The following SYNE2 variants were observed in gnomAD, a reference collection of about 807,000 sequenced individuals.
SYNE2 encodes the protein spectrin repeat containing nuclear envelope protein 2, also known as nesprin-2.
A neutral mutation model predicts 856.3 loss-of-function variants in SYNE2; 431 were observed. The ratio of observed to expected loss-of-function variants is 0.50; its 90% CI spans 0.47 to 0.55. The LOEUF is 0.55. Among genes scored for constraint, SYNE2 ranks in the 20% least tolerant of loss-of-function variants. The probability of loss-of-function intolerance (pLI) is 0.00; values close to 1 mark genes in which losing one functional copy is unlikely to be tolerated. For synonymous variants in SYNE2, 2,923 were observed against 2,872.3 expected (o/e 1.02, Z -0.56); for missense variants, 8,129 against 8,023.2 (o/e 1.01, Z -0.50).
At position 64,122,033 on chromosome 14, in the gene SYNE2, G is replaced by C. The variant is rs757620618; in HGVS notation, c.13180G>C (p.Glu4394Gln). 2.2e-5 allele frequency: 35 copies of C among 1,613,546 alleles called. No homozygotes were observed. The highest frequency in any genetic ancestry group is 1.6e-4 in the Middle Eastern group (1 of 6,076). The change falls in exon 69 of 116, where the codon GAA becomes CAA. Residue 4394 changes from glutamate to glutamine, a missense_variant. Physicochemically the swap from Glu to Gln is conservative, Grantham distance 29. Around this residue, in one of 3 missense-constraint regions of SYNE2, gnomAD observed 5,410 missense variants for 5,284.8 expected, o/e 1.02. Coordinates refer to ENST00000555002, the MANE Select transcript of SYNE2 (RefSeq NM_182914.3). ...QQQVLELKPM[E>Q]QKDFIKFIEF... ...ACAGGTTCTGGAGTTAAAACCAATG[G>C]AACAGAAAGATTTCATCAAATTCAT...
intron 1 of SYNE2, among the ~76,000 whole-genome samples, chr14:63,854,186 G>A (rs917935490): frequency 7.7e-6 from 1 of 130,276 alleles, no homozygotes; most frequent in Non-Finnish European, 1.7e-5. Context: ...TTTTGAGTTT[G>A]TTTTATTTGA....
At chr14:64,214,140 A>G in intron 105 of SYNE2, 54 bp from the exon 106 acceptor site, 2 of 1,613,884 alleles carry the variant, frequency 1.2e-6, no homozygotes, top group Non-Finnish European at 1.7e-6. Context: ...ATGCTCTTCT[A>G]ATTGCAGAAG....
rs760240283 is a variant in SYNE2 at position 64,152,692 on chromosome 14, A to G, written c.15768A>G (p.Gln5256=). ...DTASRIDELF[Q]KRSSVLTQVN... ...CATCCCGAATTGATGAGTTATTTCA[A>G]AAGAGAAGCAGTGTTCTCACTCAGG... is the stretch of plus-strand genomic sequence containing the variant. Residue 5256 remains glutamine (Q), a synonymous_variant, in exon 85 of 116, where the codon CAA becomes CAG. Coordinates refer to ENST00000555002, the MANE Select transcript of SYNE2 (RefSeq NM_182914.3). 10 of 1,614,032 alleles carry G rather than the reference A, an allele frequency of 6.2e-6. No individual in the cohort carries two copies. In the East Asian group the frequency reaches 6.7e-5, roughly 11 times the overall value.
At chr14:64,225,079 C>G in intron 115 of SYNE2, 34 bp downstream of exon 115, 1 of 1,610,760 alleles carries the variant, frequency 6.2e-7, no homozygotes, top group Non-Finnish European at 8.5e-7. Flanking sequence ...CAGTGCGTTC[C>G]CCTGCTCCAC....
In SYNE2 at chr14:64,188,443, C is replaced by T. The variant is rs1255986; in HGVS notation, c.17713-107C>T. 0.53 allele frequency: 676,513 copies of T among 1,265,236 alleles called. 186,248 individuals carry two copies. Among genetic ancestry groups the T allele is most frequent in the African/African-American group, 0.87 (59,065 of 67,664 alleles). 78.4% of individuals were successfully genotyped at this position (1,265,236 alleles called of 1,614,324 possible). On this transcript the variant is annotated intron_variant, in intron 97 of 115. Coordinates refer to ENST00000555002, the MANE Select transcript of SYNE2 (RefSeq NM_182914.3). ...AGGCAAAACCAGACAAGGTTGAGTG[C>T]GGAGAGCTACTGATTAAAATGAATG...
chr14:64,081,417 A>G (rs1373017687), intron 56 of SYNE2, 26 bp from the exon 57 acceptor site: 2 of 1,614,076 alleles, frequency 1.2e-6, no homozygotes, highest in South Asian at 1.1e-5. Context: ...CATCTGACTA[A>G]GTTTGGTCCT....
intron 6 of SYNE2, among the ~76,000 whole-genome samples, chr14:63,946,298 C>T (rs556495421): frequency 6.6e-6 from 1 of 151,752 alleles, no homozygotes; most frequent in Admixed American, 6.6e-5. Flanking sequence ...AATGGTGGTA[C>T]CTGCCTGTGG....
At chr14:64,043,308 G>C (rs924719201) in intron 45 of SYNE2, among the ~76,000 whole-genome samples, 1 of 152,162 alleles carries the variant, frequency 6.6e-6, no homozygotes, top group Non-Finnish European at 1.5e-5. Flanking sequence ...ATAAAAGTTA[G>C]GAAATGTTTC....
intron 2 of SYNE2, among the ~76,000 whole-genome samples, chr14:63,934,076 T>TGCCATTAAGCAAAGGTTCTTTATTGC (rs1272915570): frequency 6.6e-6 from 1 of 152,244 alleles, no homozygotes; most frequent in Non-Finnish European, 1.5e-5. Flanking sequence ...TGTCTTTGTT[T>TGCCATTAAGCAAAGGTTCTTTATTGC]GCCATTAAGC....
intron 100 of SYNE2, among the ~76,000 whole-genome samples, chr14:64,207,354 C>A (rs2098610478): frequency 6.6e-6 from 1 of 152,076 alleles, no homozygotes; most frequent in Admixed American, 6.5e-5. Context: ...GAGGGTGGAT[C>A]ACTTGAGCTC....
chr14:64,220,262 C>A (rs1315572622), intron 110 of SYNE2, among the ~76,000 whole-genome samples, 175 bp from the exon 111 acceptor site: 1 of 152,190 alleles, frequency 6.6e-6, no homozygotes, highest in Non-Finnish European at 1.5e-5. Flanking sequence ...GTTCACAGAC[C>A]TTAAGGCAGC....
chr14:64,209,735 C>A, intron 102 of SYNE2, 157 bp downstream of exon 102: 2 of 1,200,720 alleles, frequency 1.7e-6, no homozygotes, highest in Non-Finnish European at 2.4e-6. Flanking sequence ...GACAGCTTTG[C>A]AAGACATTGC....
chr14:63,853,673 G>C (rs1475582890), intron 1 of SYNE2, among the ~76,000 whole-genome samples: 2 of 151,500 alleles, frequency 1.3e-5, no homozygotes, highest in Non-Finnish European at 2.9e-5. Flanking sequence ...CTCGCCCCGG[G>C]GACCCGGGAA....
At chr14:63,902,427 A>G (rs1483193696) in intron 1 of SYNE2, among the ~76,000 whole-genome samples, 4 of 151,772 alleles carry the variant, frequency 2.6e-5, no homozygotes, top group African/African-American at 9.7e-5. Flanking sequence ...AAAAAAAAAA[A>G]AAAGAATAGT....
At position 64,081,553 on chromosome 14, in the gene SYNE2, A is replaced by G. The variant is rs886043517; in HGVS notation, c.11457A>G (p.Thr3819=). The G allele has an allele frequency of 6.2e-7, 1 of 1,614,172 alleles. No individual in the cohort carries two copies. Among genetic ancestry groups the G allele is most frequent in the Non-Finnish European group, 8.5e-7 (1 of 1,180,028 alleles). Residue 3819 remains threonine, a synonymous_variant, in exon 57 of 116, where the codon ACA becomes ACG. Transcript: ENST00000555002. ...ANPADYDSLR[T]LSHHASTVQM... ...CTGCTGACTATGACTCTTTGAGGAC[A>G]CTGAGTCACCATGCTAGCACTGTGC...
At chr14:64,167,807 T>A (rs915961355) in intron 92 of SYNE2, among the ~76,000 whole-genome samples, 168 bp downstream of exon 92, 1 of 152,222 alleles carries the variant, frequency 6.6e-6, no homozygotes, top group African/African-American at 2.4e-5. Flanking sequence ...TTCTTGTACG[T>A]TTCATAAATT....
chr14:63,871,236 A>G (rs1363038065), intron 1 of SYNE2, among the ~76,000 whole-genome samples: 2 of 148,916 alleles, frequency 1.3e-5, no homozygotes, highest in Non-Finnish European at 3.0e-5. Flanking sequence ...ACAGAGTTTC[A>G]CTTTTGTTGC....
chr14:64,113,315 C>T (rs1352297367), intron 65 of SYNE2, 26 bp from the exon 66 acceptor site: 1 of 1,612,940 alleles, frequency 6.2e-7, no homozygotes, highest in African/African-American at 1.3e-5. Flanking sequence ...TTTGGACTCC[C>T]TGGCTTATCT....
At position 64,212,011 on chromosome 14, in the gene SYNE2, G is replaced by A. The variant is rs932035992; in HGVS notation, c.18774G>A (p.Leu6258=). Residue 6258 remains leucine (L), a synonymous_variant, in exon 104 of 116, where the codon CTG becomes CTA. Coordinates refer to ENST00000555002, the MANE Select transcript of SYNE2 (RefSeq NM_182914.3). Reference sequence around the variant, plus strand: ...TTGAGGGCACCAGGGAGAGCATTCTGGTGTGGCTCACAGAGATGGACCTGC... The same window carrying A: ...TTGAGGGCACCAGGGAGAGCATTCTAGTGTGGCTCACAGAGATGGACCTGC... ...EEFEGTRESI[L]VWLTEMDLQL... is the part of the protein sequence containing the mutation. The A allele has an allele frequency of 6.2e-7, 1 of 1,614,160 alleles. No individual in the cohort carries two copies. Among genetic ancestry groups the A allele is most frequent in the African/African-American group, 1.3e-5 (1 of 75,034 alleles).
Sources: gnomAD v4.1 joint callset for allele counts (sites outside exome capture counted in the v4.1 genomes callset) on GRCh38, gnomAD v4.1.1 for gene constraint, gnomAD v4.1.1 regional missense constraint, MANE v1.5 for transcripts, NCBI Gene and HGNC (gene_info 2026-07-23, HGNC 2026-07-21) for gene names.